The following PLA2G4D variants were observed in gnomAD, a reference collection of about 807,000 sequenced individuals.
PLA2G4D encodes cytosolic phospholipase A2 delta.
In PLA2G4D, 80 loss-of-function variants were observed where a neutral mutation model predicts 94.4. That is an observed-to-expected ratio of 0.85 (90% CI 0.71 to 1.02). PLA2G4D has a LOEUF of 1.02. Ranked by LOEUF, PLA2G4D falls within the 50% of genes least tolerant of loss-of-function variation. The pLI, the probability that PLA2G4D is intolerant of heterozygous loss-of-function variation, is 0.00. For synonymous variants in PLA2G4D, 438 were observed against 440.9 expected (o/e 0.99, Z 0.08); for missense variants, 1,050 against 1,034.7 (o/e 1.01, Z -0.20).
At chr15:42,069,779 C>G (rs1033178330) in intron 19 of PLA2G4D, 130 bp downstream of exon 19, 2 of 824,590 alleles carry the variant, frequency 2.4e-6, no homozygotes, top group Non-Finnish European at 3.5e-6. Context: ...CCTGAGTGGG[C>G]CTGGATGGGC....
chr15:42,076,563 G>T (rs1218497704), intron 13 of PLA2G4D, among the ~76,000 whole-genome samples: 1 of 151,930 alleles, frequency 6.6e-6, no homozygotes, highest in Non-Finnish European at 1.5e-5. Flanking sequence ...AATGGAAAGG[G>T]GTTTGAATAG....
At chr15:42,085,648 G>C in intron 4 of PLA2G4D, 117 bp from the exon 5 acceptor site, 2 of 1,003,310 alleles carry the variant, frequency 2.0e-6, no homozygotes, top group Non-Finnish European at 3.1e-6. Flanking sequence ...AGGCACGTTA[G>C]TACAATTATT....
chr15:42,070,430 G>A (rs1595589334), intron 18 of PLA2G4D: 5 of 522,546 alleles, frequency 9.6e-6, no homozygotes, highest in South Asian at 2.9e-5. Flanking sequence ...GAGGTCTGGG[G>A]GATGGACATG....
chr15:42,090,179 T>G (rs1332912676), intron 1 of PLA2G4D, among the ~76,000 whole-genome samples: 1 of 151,702 alleles, frequency 6.6e-6, no homozygotes, highest in Non-Finnish European at 1.5e-5. Flanking sequence ...TGCCTCTGTT[T>G]CCTCATGTGT....
At chr15:42,082,781 A>G (rs1890063431) in intron 8 of PLA2G4D, among the ~76,000 whole-genome samples, 1 of 152,132 alleles carries the variant, frequency 6.6e-6, no homozygotes, top group Non-Finnish European at 1.5e-5. Flanking sequence ...AGGAGGAGGC[A>G]GCCTTGGAGG....
chr15:42,072,488 G>T (rs1219011746), intron 13 of PLA2G4D, 96 bp from the exon 14 acceptor site: 1 of 941,084 alleles, frequency 1.1e-6, no homozygotes, highest in South Asian at 1.4e-5. Flanking sequence ...ACCTGGCTGG[G>T]GGTGAGGAGG....
intron 1 of PLA2G4D, among the ~76,000 whole-genome samples, chr15:42,089,319 G>A (rs9921017): frequency 0.022 from 3,305 of 152,114 alleles, 52 homozygotes; most frequent in Non-Finnish European, 0.035. Flanking sequence ...CACCCACGGG[G>A]ACCTGAATCT....
At chr15:42,087,154 A>C in intron 3 of PLA2G4D, 146 bp downstream of exon 3, 1 of 1,064,164 alleles carries the variant, frequency 9.4e-7, no homozygotes. Flanking sequence ...TCCCTTGCAC[A>C]CAGCACAGAC....
At chr15:42,080,218 T>C (rs1194243068) in intron 12 of PLA2G4D, among the ~76,000 whole-genome samples, 2 of 152,150 alleles carry the variant, frequency 1.3e-5, no homozygotes, top group Non-Finnish European at 2.9e-5. Context: ...CTTACTGTAC[T>C]GGACAGCCCA....
At chr15:42,085,659 T>C (rs1890128068) in intron 4 of PLA2G4D, 128 bp from the exon 5 acceptor site, 2 of 901,244 alleles carry the variant, frequency 2.2e-6, no homozygotes, top group Non-Finnish European at 3.5e-6. Flanking sequence ...TACAATTATT[T>C]CCAATTTATG....
chr15:42,088,402 G>A (rs1486248746), intron 1 of PLA2G4D, among the ~76,000 whole-genome samples: 4 of 152,214 alleles, frequency 2.6e-5, no homozygotes, highest in African/African-American at 7.2e-5. Context: ...AAGATGAGCC[G>A]AGAGTAGGTG....
chr15:42,077,447 G>A (rs747169864), intron 13 of PLA2G4D, among the ~76,000 whole-genome samples: 10 of 152,246 alleles, frequency 6.6e-5, no homozygotes, highest in African/African-American at 9.6e-5. Flanking sequence ...ATCAATAAAT[G>A]TGATACATCA....
chr15:42,086,194 T>TTGGGGGGGGGGGGGGGGGG lies in PLA2G4D; in HGVS notation c.387+18_387+19insCCCCCCCCCCCCCCCCCCA. ...GGAAGAAGTGGGGCCCACGGGGACTTCCCCACCCACCCACCCACCTGGGGA... is the reference window on the plus strand; with the variant it reads ...GGAAGAAGTGGGGCCCACGGGGACTTTGGGGGGGGGGGGGGGGGGCCCCACCCACCCACCCACCTGGGGA... On this transcript the variant is annotated intron_variant, in intron 4 of 19. Coordinates refer to ENST00000290472, the MANE Select transcript of PLA2G4D (RefSeq NM_178034.4). 128 of 1,370,306 alleles carry TTGGGGGGGGGGGGGGGGGG rather than the reference T, an allele frequency of 9.3e-5. No individual in the cohort carries two copies. Among genetic ancestry groups the TTGGGGGGGGGGGGGGGGGG allele is most frequent in the East Asian group, 1.1e-4 (4 of 37,158 alleles). 84.9% of individuals were successfully genotyped at this position (1,370,306 alleles called of 1,614,324 possible).
At chr15:42,081,197 A>G in intron 11 of PLA2G4D, 64 bp from the exon 12 acceptor site, 3 of 1,581,914 alleles carry the variant, frequency 1.9e-6, no homozygotes, top group Non-Finnish European at 2.6e-6. Context: ...TGTCTCACCC[A>G]GGGCCCTGCC....
intron 1 of PLA2G4D, among the ~76,000 whole-genome samples, chr15:42,093,161 A>G (rs189372694): frequency 9.8e-4 from 149 of 152,262 alleles, no homozygotes; most frequent in African/African-American, 3.5e-3. Context: ...GCTAGGCTAA[A>G]CCGCTGCTGA....
rs142515758 is a variant in PLA2G4D, at chr15:42,081,548, C to T, written c.888G>A (p.Arg296=). 1.2e-6 allele frequency: 2 copies of T among 1,614,232 alleles called. No individual in the cohort carries two copies. The highest frequency in any genetic ancestry group is 1.7e-6 in the Non-Finnish European group (2 of 1,180,026). Residue 296 remains arginine, a synonymous_variant, in exon 11 of 20, where the codon AGG becomes AGA. Coordinates refer to ENST00000290472, the MANE Select transcript of PLA2G4D (RefSeq NM_178034.4). ...LCAEEQAFLS[R]RKQVVAKALK... is the part of the protein sequence containing the mutation. Reference sequence around the variant, plus strand: ...GGGCCTTGGCCACCACCTGCTTCCTCCTGCTCAGGAAGGCCTGCTCCTCTG... The same window carrying T: ...GGGCCTTGGCCACCACCTGCTTCCTTCTGCTCAGGAAGGCCTGCTCCTCTG...
Position 42,085,108 on chromosome 15 carries a change from G to GTTGGTGATGAGGT in PLA2G4D, c.446_458dup (p.Asn153LysfsTer46). On this transcript the variant is annotated frameshift_variant, in exon 6 of 20. Transcript: ENST00000290472. LOFTEE classifies it high-confidence loss of function. Reference sequence around the variant, plus strand: ...GGAAGGTGCTTACCACAATGACTTTGTTGGTGATGAGGTTTTCTGGGCGAT... The same window carrying GTTGGTGATGAGGT: ...GGAAGGTGCTTACCACAATGACTTTGTTGGTGATGAGGTTTGGTGATGAGGTTTTCTGGGCGAT... 1 of 1,614,180 alleles carries GTTGGTGATGAGGT rather than the reference G, an allele frequency of 6.2e-7. No homozygotes were observed. The highest frequency in any genetic ancestry group is 1.1e-5 in the South Asian group (1 of 91,078).
chr15:42,088,565 G>A (rs554266665), intron 1 of PLA2G4D, among the ~76,000 whole-genome samples: 6 of 152,290 alleles, frequency 3.9e-5, no homozygotes, highest in Admixed American at 2.6e-4. Context: ...CCTGCAGCAC[G>A]GCTTTTTCTG....
In PLA2G4D at chr15:42,068,711, A is replaced by G. The variant is rs759722214; in HGVS notation, c.*4T>C. The G allele has an allele frequency of 3.1e-6, 5 of 1,600,620 alleles. No homozygotes were observed. The Admixed American group carries it at 6.9e-5, about 22-fold the overall frequency. On this transcript the variant is annotated 3_prime_UTR_variant, in exon 20 of 20. Coordinates refer to ENST00000290472, the MANE Select transcript of PLA2G4D (RefSeq NM_178034.4). Reference sequence around the variant, plus strand: ...CTGGAGGGTCCTGCAGCCTCTGAGCAACCTCAGGTCTGTGCCCTTGGAGGC... The same window carrying G: ...CTGGAGGGTCCTGCAGCCTCTGAGCGACCTCAGGTCTGTGCCCTTGGAGGC...
Sources: gnomAD v4.1 joint callset for allele counts (sites outside exome capture counted in the v4.1 genomes callset) on GRCh38, gnomAD v4.1.1 for gene constraint, MANE v1.5 for transcripts, NCBI Gene and HGNC (gene_info 2026-07-23, HGNC 2026-07-21) for gene names.